The following PCDHA6 variants were observed in gnomAD, a reference collection of about 807,000 sequenced individuals.
PCDHA6 encodes protocadherin alpha 6, also known as protocadherin alpha-6.
A neutral mutation model predicts 60.3 loss-of-function variants in PCDHA6; 55 were observed. The observed-to-expected ratio is 0.91, with a 90% CI of 0.73 to 1.14. The LOEUF (loss-of-function observed/expected upper bound fraction) is 1.14. PCDHA6 is among the 50% of genes most tolerant of loss of function. PCDHA6 has a pLI of 0.00. For synonymous variants in PCDHA6, 652 were observed against 557.9 expected, an observed-to-expected ratio of 1.17 and a Z score of -2.38; for missense variants, 1,327 against 1,256.5, an observed-to-expected ratio of 1.06 and a Z score of -0.85.
Position 140,849,909 on chromosome 5 carries a change from T to A in PCDHA6, c.2394+19424T>A. ...CGTGAAGGAGAACAACCCGCCGGGC[T>A]GCCACATCTTCACGGTGTCTGCGCG... On this transcript the variant is annotated intron_variant, in intron 1 of 3. Coordinates refer to ENST00000529310, the MANE Select transcript of PCDHA6 (RefSeq NM_018909.4). The A allele has an allele frequency of 3.8e-6, 6 of 1,598,300 alleles. 2 individuals carry two copies. The highest frequency in any genetic ancestry group is 5.1e-6 in the Non-Finnish European group (6 of 1,167,786).
chr5:140,966,183 C>T (rs1399845859), intron 1 of PCDHA6: 1 of 195,556 alleles, frequency 5.1e-6, no homozygotes, highest in African/African-American at 2.3e-5. Flanking sequence ...AGCTGATAGC[C>T]AGACTTCTAG....
chr5:140,830,763 A>T, intron 1 of PCDHA6: 1 of 176,090 alleles, frequency 5.7e-6, no homozygotes, highest in Non-Finnish European at 1.2e-5. Context: ...TTTAATTCAG[A>T]ATCATAGTAG....
chr5:140,914,783 A>G (rs1445627539), intron 1 of PCDHA6, among the ~76,000 whole-genome samples: 1 of 151,972 alleles, frequency 6.6e-6, no homozygotes, highest in Admixed American at 6.6e-5. Context: ...TTATCTTATG[A>G]CCCATTATTT....
At chr5:140,854,796 A>G (rs1379187736) in intron 1 of PCDHA6, 2 of 149,770 alleles carry the variant, frequency 1.3e-5, no homozygotes, top group African/African-American at 4.9e-5. Flanking sequence ...TTGAGAGAGA[A>G]AAAAATATTT....
intron 1 of PCDHA6, among the ~76,000 whole-genome samples, chr5:140,888,256 C>A (rs1454353322): frequency 6.6e-6 from 1 of 151,942 alleles, no homozygotes; most frequent in African/African-American, 2.4e-5. Context: ...AGCAGTAGTT[C>A]TTGATAAGAA....
chr5:140,866,671 G>A (rs2049487363), intron 1 of PCDHA6: 1 of 152,084 alleles, frequency 6.6e-6, no homozygotes, highest in Admixed American at 6.5e-5. Context: ...AGAAATAATA[G>A]CACTAGGTCT....
chr5:140,840,163 A>T (rs2150304163), intron 1 of PCDHA6, among the ~76,000 whole-genome samples: 1 of 152,162 alleles, frequency 6.6e-6, no homozygotes, highest in African/African-American at 2.4e-5. Context: ...GAGAGATGGG[A>T]TGTATACAAA....
In PCDHA6 at chr5:140,884,413, G is replaced by C. The variant is rs376737487; in HGVS notation, c.2394+53928G>C. 13 of 1,613,896 alleles carry C rather than the reference G, an allele frequency of 8.1e-6. No homozygotes were observed. The East Asian group carries it at 2.5e-4, about 30-fold the overall frequency. On this transcript the variant is annotated intron_variant, in intron 1 of 3. Transcript: ENST00000529310. Reference sequence around the variant, plus strand: ...TGTCCAGCCTGTTGGTGCTCACGTTGCTGCTGTATACTGCGCTGCGGTGCT... The same window carrying C: ...TGTCCAGCCTGTTGGTGCTCACGTTCCTGCTGTATACTGCGCTGCGGTGCT...
intron 1 of PCDHA6, among the ~76,000 whole-genome samples, chr5:140,923,820 C>T (rs892649324): frequency 5.3e-4 from 80 of 152,224 alleles, no homozygotes; most frequent in African/African-American, 1.6e-3. Context: ...TGAAAATAGA[C>T]GTCAGTGGCA....
At chr5:140,982,878 C>T (rs2097013352) in intron 3 of PCDHA6, among the ~76,000 whole-genome samples, 1 of 151,992 alleles carries the variant, frequency 6.6e-6, no homozygotes, top group South Asian at 2.1e-4. Flanking sequence ...TCATCCAAGC[C>T]ATGCAGAGAA....
At chr5:140,938,187 C>A (rs1584944424) in intron 1 of PCDHA6, among the ~76,000 whole-genome samples, 1 of 152,276 alleles carries the variant, frequency 6.6e-6, no homozygotes, top group Non-Finnish European at 1.5e-5. Context: ...CTCAAGCAAT[C>A]CTCCCACGCC....
At chr5:140,949,975 A>AT (rs2153688056) in intron 1 of PCDHA6, among the ~76,000 whole-genome samples, 1 of 152,044 alleles carries the variant, frequency 6.6e-6, no homozygotes, top group South Asian at 2.1e-4. Flanking sequence ...TACAGCATAC[A>AT]TACTTAACTT....
chr5:140,946,224 C>T (rs1450090999), intron 1 of PCDHA6, among the ~76,000 whole-genome samples: 1 of 151,786 alleles, frequency 6.6e-6, no homozygotes, highest in Non-Finnish European at 1.5e-5. Context: ...AACAGGTATA[C>T]TAAAAAATGC....
intron 1 of PCDHA6, chr5:140,930,569 A>G (rs1448447791): frequency 6.6e-6 from 1 of 152,542 alleles, no homozygotes; most frequent in Non-Finnish European, 1.5e-5. Flanking sequence ...AAGCAATTCT[A>G]CGGTATTACT....
At chr5:140,850,096 A>C (rs2150466906) in intron 1 of PCDHA6, 2 of 1,596,118 alleles carry the variant, frequency 1.3e-6, no homozygotes, top group African/African-American at 1.3e-5. Context: ...CTACAGTTCC[A>C]GGTGAGCGCG....
At chr5:140,836,610 A>T in intron 1 of PCDHA6, 1 of 1,613,696 alleles carries the variant, frequency 6.2e-7, no homozygotes, top group Non-Finnish European at 8.5e-7. Flanking sequence ...GGTGTGCTCC[A>T]GCGCGGTGGG....
chr5:141,002,047 C>A (rs1449885583), intron 3 of PCDHA6, among the ~76,000 whole-genome samples: 2 of 152,202 alleles, frequency 1.3e-5, no homozygotes, highest in Non-Finnish European at 2.9e-5. Flanking sequence ...TCCTGGGCAT[C>A]CAGAGGCAGC....
At chr5:140,884,239 C>A (rs781996098) in intron 1 of PCDHA6, 1 of 1,613,424 alleles carries the variant, frequency 6.2e-7, no homozygotes, top group South Asian at 1.1e-5. Flanking sequence ...ACGGTGAGCC[C>A]GCGCTGACGG....
intron 1 of PCDHA6, chr5:140,877,281 T>TA (rs782748230): frequency 8.7e-6 from 14 of 1,613,708 alleles, no homozygotes; most frequent in Non-Finnish European, 1.2e-5. Context: ...ACTCCGGCTA[T>TA]AACGCTTGGC....
Sources: gnomAD v4.1 joint callset for allele counts (sites outside exome capture counted in the v4.1 genomes callset) on GRCh38, gnomAD v4.1.1 for gene constraint, MANE v1.5 for transcripts, NCBI Gene and HGNC (gene_info 2026-07-23, HGNC 2026-07-21) for gene names.